The following HTR3A variants were observed in gnomAD, a reference collection of about 807,000 sequenced individuals.
HTR3A encodes 5-hydroxytryptamine receptor 3A.
Under a neutral mutation model 54.8 loss-of-function variants are expected in HTR3A, and 45 were observed. The observed-to-expected ratio is 0.82, with a 90% confidence interval of 0.65 to 1.05. The LOEUF (loss-of-function observed/expected upper bound fraction) is 1.05, where lower values mean the gene tolerates loss of function less well. Among genes scored for constraint, HTR3A ranks in the 50% least tolerant of loss-of-function variants. The pLI is 0.00. For missense variants in HTR3A, 657 were observed against 614.0 expected, an observed-to-expected ratio of 1.07 and a Z score of -0.74; for synonymous variants, 297 against 256.0, an observed-to-expected ratio of 1.16 and a Z score of -1.53.
chr11:113,989,536 C>G lies in HTR3A; in HGVS notation c.1210C>G (p.Pro404Ala). The change falls in exon 9 of 9, where the codon CCT becomes GCT. Residue 404 changes from proline to alanine, a missense_variant. Physicochemically the swap from Pro to Ala is conservative, Grantham distance 27. Coordinates refer to ENST00000504030, the MANE Select transcript of HTR3A (RefSeq NM_000869.6). The surrounding 1 kb of genome is among the most constrained non-coding windows in gnomAD (Gnocchi z 4.4). ...GAAGAGCCCGAGGGACAGATGTAGC[C>G]CTCCCCCACCACCTCGGGAGGCCTC... The part of the protein sequence containing the change: ...FEKSPRDRCS[P>A]PPPPREASLA... 1 of 1,614,048 alleles carries G rather than the reference C, an allele frequency of 6.2e-7. No homozygotes were observed. Among genetic ancestry groups the G allele is most frequent in the South Asian group, 1.1e-5 (1 of 91,068 alleles).
At chr11:113,987,192 C>T in intron 8 of HTR3A, 146 bp downstream of exon 8, 2 of 824,580 alleles carry the variant, frequency 2.4e-6, no homozygotes, top group Non-Finnish European at 4.0e-6. Flanking sequence ...TGGGGGCAGC[C>T]TTCAGCCAAA....
chr11:113,985,892 G>T lies in HTR3A; in HGVS notation c.545-123G>T, dbSNP rs1168693595. 3 of 975,758 alleles carry T rather than the reference G, an allele frequency of 3.1e-6. No homozygotes were observed. In the East Asian group the frequency reaches 7.1e-5, roughly 23 times the overall value. The allele number at this position is 975,758 out of a possible 1,614,324, so 60.4% of individuals were successfully genotyped here. On this transcript the variant is annotated intron_variant, in intron 5 of 8. Coordinates refer to ENST00000504030, the MANE Select transcript of HTR3A (RefSeq NM_000869.6). The stretch of plus-strand genomic sequence containing the variant: ...CTGAGGCTGAAGGTGATGTGCTGAG[G>T]TTGAGGTTGGGCCATCGGATATCAG...
chr11:113,981,128 A>G (rs1950416446), intron 3 of HTR3A, 75 bp from the exon 4 acceptor site: 13 of 891,850 alleles, frequency 1.5e-5, no homozygotes, highest in Admixed American at 8.9e-5. Context: ...CTGAGGGTGA[A>G]GTCTGCCTGA....
chr11:113,977,003 T>G (rs1055062955), intron 1 of HTR3A, among the ~76,000 whole-genome samples: 1 of 152,014 alleles, frequency 6.6e-6, no homozygotes, highest in Non-Finnish European at 1.5e-5. Context: ...CATTACTGGT[T>G]TGTCCCCATA....
intron 8 of HTR3A, 141 bp downstream of exon 8, chr11:113,987,187 G>A: frequency 3.6e-6 from 3 of 830,866 alleles, no homozygotes; most frequent in South Asian, 1.4e-5. Flanking sequence ...TGGGGTGGGG[G>A]CAGCCTTCAG....
At chr11:113,984,149 G>A (rs917879831) in intron 5 of HTR3A, among the ~76,000 whole-genome samples, 12 of 151,894 alleles carry the variant, frequency 7.9e-5, no homozygotes, top group African/African-American at 2.9e-4. Flanking sequence ...ACCTAGCCTG[G>A]CCAACCCCTC....
intron 1 of HTR3A, among the ~76,000 whole-genome samples, chr11:113,976,626 T>C (rs1176725): frequency 0.14 from 20,189 of 145,228 alleles, 1,641 homozygotes; most frequent in Non-Finnish European, 0.15. Flanking sequence ...CTCTCTGCTC[T>C]TCTCTGTCCT....
In HTR3A at chr11:113,986,094, G is replaced by T; in HGVS notation, c.624G>T (p.Glu208Asp). 6.2e-7 allele frequency: 1 copy of T among 1,614,222 alleles called. No homozygotes were observed. The highest frequency in any genetic ancestry group is 8.5e-7 in the Non-Finnish European group (1 of 1,180,046). Reference protein sequence around the residue: ...SDRSVFMNQGEWELLGVLPYF... With the variant: ...SDRSVFMNQGDWELLGVLPYF... ...GGAGTGTCTTCATGAACCAGGGAGA[G>T]TGGGAGTTGCTGGGGGTGCTGCCCT... The change falls in exon 6 of 9, where the codon GAG (glutamate) becomes GAT (aspartate). Residue 208 changes from glutamate to aspartate, a missense_variant. Transcript: ENST00000504030.
intron 5 of HTR3A, among the ~76,000 whole-genome samples, chr11:113,984,732 C>T (rs1285818871): frequency 6.6e-6 from 1 of 152,160 alleles, no homozygotes; most frequent in African/African-American, 2.4e-5. Context: ...TCCTGGCCAA[C>T]ATGGTGAAAC....
At position 113,990,207 on chromosome 11, in the gene HTR3A, C is replaced by T. The variant is rs1467458609; in HGVS notation, c.*444C>T. The T allele has an allele frequency of 2.2e-6, 1 of 455,904 alleles. No individual in the cohort carries two copies. Among genetic ancestry groups the T allele is most frequent in the East Asian group, 6.9e-5 (1 of 14,448 alleles). 28.2% of individuals were successfully genotyped at this position (455,904 alleles called of 1,614,324 possible). A position where few individuals can be genotyped will look rare whatever the true frequency, so the allele number is the denominator to read the frequency against. On this transcript the variant is annotated 3_prime_UTR_variant, in exon 9 of 9. Transcript: ENST00000504030. Reference sequence around the variant, plus strand: ...ATAACTCTGTACGAGGCTTCTCTAACCCCTAGTGTCTTTTTTTTCTTCACC... The same window carrying T: ...ATAACTCTGTACGAGGCTTCTCTAATCCCTAGTGTCTTTTTTTTCTTCACC...
At chr11:113,986,784 C>A (rs1307925199) in intron 7 of HTR3A, 41 bp from the exon 8 acceptor site, 1 of 1,614,026 alleles carries the variant, frequency 6.2e-7, no homozygotes, top group African/African-American at 1.3e-5. Flanking sequence ...CCCCCTCCCA[C>A]CTCCTGCATG....
At chr11:113,985,502 G>A (rs759579264) in intron 5 of HTR3A, among the ~76,000 whole-genome samples, 12 of 152,124 alleles carry the variant, frequency 7.9e-5, no homozygotes, top group African/African-American at 1.4e-4. Flanking sequence ...TACTTCTGTC[G>A]TTCCTGGTAC....
chr11:113,986,954 A>T lies in HTR3A; in HGVS notation c.1046A>T (p.Glu349Val). Residue 349 changes from glutamate (E) to valine (V), a missense_variant, in exon 8 of 9, where the codon GAG (glutamate) becomes GTG (valine). By Grantham distance (121) the Glu-to-Val change is moderately radical. Coordinates refer to ENST00000504030, the MANE Select transcript of HTR3A (RefSeq NM_000869.6). ...VPAWLRHLVL[E>V]RIAWLLCLRE... ...GCTTGGCTGCGTCACCTGGTTCTGG[A>T]GAGAATCGCCTGGCTACTTTGCCTG... is the stretch of plus-strand genomic sequence containing the variant. 1 of 1,614,034 alleles carries T rather than the reference A, an allele frequency of 6.2e-7. No homozygotes were observed. Among genetic ancestry groups the T allele is most frequent in the South Asian group, 1.1e-5 (1 of 91,064 alleles).
Position 113,979,363 on chromosome 11 carries a change from G to C in HTR3A, c.264+86G>C. ...TCGGGAGTTTCAGTGGCCTTGGCGA[G>C]GGAAGGTGAGCGGAGAGGCTGAGGG... On this transcript the variant is annotated intron_variant, in intron 3 of 8. Coordinates refer to ENST00000504030, the MANE Select transcript of HTR3A (RefSeq NM_000869.6). 10 of 1,069,780 alleles carry C rather than the reference G, an allele frequency of 9.3e-6. No individual in the cohort carries two copies. The South Asian group carries it at 1.2e-4, about 13-fold the overall frequency. The allele number at this position is 1,069,780 out of a possible 1,614,324, so 66.3% of individuals were successfully genotyped here.
rs891070500 is a variant in HTR3A at position 113,981,247 on chromosome 11, C to A, written c.309C>A (p.Asp103Glu). ...EFLQWNPEDF[D>E]NITKLSIPTD... ...TCCAGTGGAACCCTGAGGACTTTGA[C>A]AACATCACCAAGTTGTCCATCCCCA... Residue 103 changes from aspartate (D) to glutamate (E), a missense_variant, in exon 4 of 9, where the codon GAC becomes GAA. Transcript: ENST00000504030. The A allele has an allele frequency of 6.2e-6, 10 of 1,613,890 alleles. No homozygotes were observed. The African/African-American group carries it at 1.3e-4, about 22-fold the overall frequency.
intron 4 of HTR3A, among the ~76,000 whole-genome samples, chr11:113,982,776 C>CT (rs1950436817): frequency 1.3e-5 from 2 of 152,326 alleles, no homozygotes; most frequent in South Asian, 4.1e-4. Flanking sequence ...GGGAGCCAAG[C>CT]TTTGCCCAGC....
intron 5 of HTR3A, among the ~76,000 whole-genome samples, chr11:113,984,763 A>G (rs986058976): frequency 1.3e-5 from 2 of 152,042 alleles, no homozygotes; most frequent in African/African-American, 4.8e-5. Context: ...TTAAAAATAC[A>G]AAAAATTAGC....
chr11:113,980,930 G>C, intron 3 of HTR3A: 1 of 471,632 alleles, frequency 2.1e-6, no homozygotes, highest in Non-Finnish European at 3.9e-6. Context: ...CTCAGCTGGC[G>C]GAGGGGGAAC....
chr11:113,981,013 C>T (rs1164230933), intron 3 of HTR3A, 190 bp from the exon 4 acceptor site: 2 of 609,374 alleles, frequency 3.3e-6, no homozygotes, highest in Admixed American at 2.4e-5. Context: ...TGTGTGGAGG[C>T]AGAGTGTGAA....
Sources: gnomAD v4.1 joint callset for allele counts (sites outside exome capture counted in the v4.1 genomes callset) on GRCh38, gnomAD v4.1.1 for gene constraint, Gnocchi (gnomAD v3.1) non-coding constraint, MANE v1.5 for transcripts, NCBI Gene and HGNC (gene_info 2026-07-23, HGNC 2026-07-21) for gene names.